The following SHROOM3 variants were observed in gnomAD, a reference collection of about 807,000 sequenced individuals.
The protein encoded by SHROOM3 is shroom family member 3, also known as protein Shroom3.
In SHROOM3, 47 loss-of-function variants were observed where a neutral mutation model predicts 138.6. That is an observed-to-expected ratio of 0.34 (90% CI 0.27 to 0.43). SHROOM3 has a LOEUF of 0.43. Ranked by LOEUF, SHROOM3 falls within the 20% of genes least tolerant of loss-of-function variation. The pLI is 1.00. For synonymous variants in SHROOM3, 1,062 were observed against 1,063.3 expected (o/e 1.00, Z 0.02); for missense variants, 2,491 against 2,596.5 (o/e 0.96, Z 0.88).
At chr4:76,465,556 C>T (rs542594201) in intron 1 of SHROOM3, among the ~76,000 whole-genome samples, 1 of 152,312 alleles carries the variant, frequency 6.6e-6, no homozygotes, top group Admixed American at 6.5e-5. Context: ...TCCTGCCTTC[C>T]CTCCTGGCTT....
chr4:76,555,475 C>G (rs1733463695), intron 1 of SHROOM3, 134 bp from the exon 2 acceptor site: 1 of 1,308,374 alleles, frequency 7.6e-7, no homozygotes, highest in Non-Finnish European at 1.1e-6. Context: ...TTCCCTCTGG[C>G]TGCAAGCGCT....
chr4:76,708,827 C>T (rs1458678309), intron 2 of SHROOM3, among the ~76,000 whole-genome samples: 1 of 152,172 alleles, frequency 6.6e-6, no homozygotes, highest in Non-Finnish European at 1.5e-5. Flanking sequence ...GCCTGAGACT[C>T]AGAATTTACT....
intron 2 of SHROOM3, chr4:76,575,574 G>A (rs1733920558): frequency 1.3e-5 from 2 of 152,146 alleles, no homozygotes; most frequent in South Asian, 4.1e-4. Flanking sequence ...AGTGATTGCA[G>A]TGTTTGCCAA....
chr4:76,614,949 G>T (rs1734842023), intron 2 of SHROOM3, among the ~76,000 whole-genome samples: 1 of 152,120 alleles, frequency 6.6e-6, no homozygotes, highest in African/African-American at 2.4e-5. Context: ...ATAGGCCTTT[G>T]CCAATCCCTT....
intron 2 of SHROOM3, among the ~76,000 whole-genome samples, chr4:76,633,561 G>A (rs1431750860): frequency 6.6e-6 from 1 of 150,552 alleles, no homozygotes; most frequent in Non-Finnish European, 1.5e-5. Flanking sequence ...GGAGGCTGAG[G>A]CAGCAGAATG....
chr4:76,478,846 A>G (rs918320984), intron 1 of SHROOM3, among the ~76,000 whole-genome samples: 47 of 152,288 alleles, frequency 3.1e-4, no homozygotes, highest in African/African-American at 1.1e-3. Flanking sequence ...CAGGGTCTTG[A>G]GTGGACCTTC....
In SHROOM3 at chr4:76,739,545, C is replaced by A. The variant is rs751339105; in HGVS notation, c.1372C>A (p.Pro458Thr). Reference protein sequence around the residue: ...PKHNYTQKAQPGQPLLPTSIY... With the variant: ...PKHNYTQKAQTGQPLLPTSIY... ...GCATAACTATACCCAGAAGGCCCAACCTGGCCAACCTCTGCTGCCGACCAG... is the reference window on the plus strand; with the variant it reads ...GCATAACTATACCCAGAAGGCCCAAACTGGCCAACCTCTGCTGCCGACCAG... The change falls in exon 5 of 11, where the codon CCT becomes ACT. Residue 458 changes from proline (P) to threonine (T), a missense_variant. Pro to Thr is a conservative substitution (Grantham distance 38, BLOSUM62 -1). Around this residue, in one of 4 missense-constraint regions of SHROOM3, gnomAD observed 1,733 missense variants for 1,661.6 expected, o/e 1.04. Coordinates refer to ENST00000296043, the MANE Select transcript of SHROOM3 (RefSeq NM_020859.4). 6.2e-7 allele frequency: 1 copy of A among 1,614,208 alleles called. No individual in the cohort carries two copies. The highest frequency in any genetic ancestry group is 8.5e-7 in the Non-Finnish European group (1 of 1,180,022).
intron 2 of SHROOM3, among the ~76,000 whole-genome samples, chr4:76,599,740 T>G (rs773996849): frequency 3.3e-5 from 5 of 152,296 alleles, no homozygotes; most frequent in Non-Finnish European, 7.4e-5. Context: ...GGAAATACAG[T>G]TTCCTCATGG....
chr4:76,507,261 G>A (rs1204445760), intron 1 of SHROOM3, among the ~76,000 whole-genome samples: 1 of 152,120 alleles, frequency 6.6e-6, no homozygotes, highest in Non-Finnish European at 1.5e-5. Context: ...ATCCAAATGT[G>A]ATTCCAGATA....
intron 1 of SHROOM3, among the ~76,000 whole-genome samples, chr4:76,462,428 A>G (rs902032282): frequency 1.3e-5 from 2 of 152,150 alleles, no homozygotes; most frequent in Non-Finnish European, 2.9e-5. Flanking sequence ...AAACTATAGA[A>G]ATAACTATAG....
intron 6 of SHROOM3, among the ~76,000 whole-genome samples, chr4:76,750,915 A>T (rs1260873563): frequency 6.6e-6 from 1 of 152,206 alleles, no homozygotes; most frequent in Non-Finnish European, 1.5e-5. Flanking sequence ...GTTCTTCAGC[A>T]ATTGACATTA....
At chr4:76,542,841 G>A (rs1733134523) in intron 1 of SHROOM3, among the ~76,000 whole-genome samples, 1 of 152,226 alleles carries the variant, frequency 6.6e-6, no homozygotes, top group Non-Finnish European at 1.5e-5. Flanking sequence ...GAAGCCTGAA[G>A]TCTGGCCCTA....
intron 2 of SHROOM3, among the ~76,000 whole-genome samples, chr4:76,658,097 T>A (rs1450649932): frequency 1.3e-5 from 2 of 152,210 alleles, no homozygotes; most frequent in Non-Finnish European, 2.9e-5. Flanking sequence ...TTCCATGCAT[T>A]TTATAATAAC....
chr4:76,561,280 A>G (rs1733590653), intron 2 of SHROOM3, among the ~76,000 whole-genome samples: 1 of 152,224 alleles, frequency 6.6e-6, no homozygotes, highest in African/African-American at 2.4e-5. Flanking sequence ...GTTTAGTAGT[A>G]CTAGTAGTAG....
intron 10 of SHROOM3, among the ~76,000 whole-genome samples, chr4:76,772,746 A>C (rs1001430656): frequency 6.6e-6 from 1 of 152,160 alleles, no homozygotes; most frequent in Non-Finnish European, 1.5e-5. Flanking sequence ...ACAAATGCTG[A>C]CTAAAACACA....
In SHROOM3 at chr4:76,778,029, G is replaced by A. The variant is rs889682117; in HGVS notation, c.5623-780G>A. 1.1e-4 allele frequency among the ~76,000 whole-genome samples: 16 copies of A among 152,182 alleles called. No homozygotes were observed. In the East Asian group the frequency reaches 1.4e-3, roughly 13 times the overall value. On this transcript the variant is annotated intron_variant, in intron 10 of 10. Coordinates refer to ENST00000296043, the MANE Select transcript of SHROOM3 (RefSeq NM_020859.4). ...AGGGAGAGGTTCTCAAACTTTAGCCGCAAAAGAATCATCTGGAAGGCTTGT... is the reference window on the plus strand; with the variant it reads ...AGGGAGAGGTTCTCAAACTTTAGCCACAAAAGAATCATCTGGAAGGCTTGT...
At chr4:76,552,849 TCC>T (rs1361184777) in intron 1 of SHROOM3, among the ~76,000 whole-genome samples, 2 of 152,136 alleles carry the variant, frequency 1.3e-5, no homozygotes, top group Non-Finnish European at 2.9e-5. Flanking sequence ...GTTTTTGTTT[TCC>T]CCTTTACTTC....
chr4:76,710,836 C>T (rs1026703850), intron 3 of SHROOM3, among the ~76,000 whole-genome samples: 12 of 152,050 alleles, frequency 7.9e-5, no homozygotes, highest in Admixed American at 4.6e-4. Flanking sequence ...TGGCTTTGCA[C>T]GGGCTATCTC....
chr4:76,508,204 GT>G (rs59304713), intron 1 of SHROOM3, among the ~76,000 whole-genome samples: 45,146 of 151,862 alleles, frequency 0.3, 7,569 homozygotes, highest in African/African-American at 0.44. Flanking sequence ...TTACATTCAG[GT>G]TTTTTTTGAT....
Sources: allele counts gnomAD v4.1 joint callset (sites outside exome capture counted in the v4.1 genomes callset), GRCh38; gene constraint gnomAD v4.1.1; regional missense constraint gnomAD v4.1.1; transcripts MANE v1.5; gene names NCBI Gene and HGNC (gene_info 2026-07-23, HGNC 2026-07-21).